INPP4B: variants seen among roughly 807,000 people sequenced by gnomAD.
INPP4B encodes inositol polyphosphate 4-phosphatase type II.
A neutral mutation model predicts 122.5 loss-of-function variants in INPP4B; 55 were observed. The observed-to-expected ratio is 0.45, with a 90% CI of 0.36 to 0.56. INPP4B has a LOEUF of 0.56. INPP4B is among the 20% of genes least tolerant of loss of function. INPP4B has a pLI of 0.00. For synonymous variants in INPP4B, 403 were observed against 388.7 expected (o/e 1.04, Z -0.43); for missense variants, 1,000 against 1,097.7 (o/e 0.91, Z 1.26).
chr4:142,712,930 C>A (rs761073518), intron 2 of INPP4B, among the ~76,000 whole-genome samples: 1 of 152,168 alleles, frequency 6.6e-6, no homozygotes, highest in African/African-American at 2.4e-5. Flanking sequence ...CATGTCCAGG[C>A]TCTCCATATA....
intron 1 of INPP4B, among the ~76,000 whole-genome samples, chr4:142,813,116 T>G (rs1346560523): frequency 6.6e-6 from 1 of 152,302 alleles, no homozygotes; most frequent in South Asian, 2.1e-4. Context: ...ATTCTAGTGC[T>G]ACATGAACTC....
intron 1 of INPP4B, among the ~76,000 whole-genome samples, chr4:142,778,545 A>G (rs1291151270): frequency 6.6e-6 from 1 of 152,096 alleles, no homozygotes; most frequent in Non-Finnish European, 1.5e-5. Flanking sequence ...TAATAAACCC[A>G]TCATTAGAGA....
At chr4:142,111,604 C>T (rs1034801887) in intron 22 of INPP4B, among the ~76,000 whole-genome samples, 1 of 151,948 alleles carries the variant, frequency 6.6e-6, no homozygotes, top group African/African-American at 2.4e-5. Flanking sequence ...GCCTCTGCCT[C>T]CCAAAGTGCT....
At chr4:142,052,860 C>T (rs113114224) in intron 25 of INPP4B, among the ~76,000 whole-genome samples, 1,962 of 152,108 alleles carry the variant, frequency 0.013, 44 homozygotes, top group African/African-American at 0.045. Context: ...TCTATATTTG[C>T]TTGTCGAATT....
chr4:142,717,265 T>A (rs1023241112), intron 2 of INPP4B, among the ~76,000 whole-genome samples: 2 of 152,256 alleles, frequency 1.3e-5, no homozygotes, highest in African/African-American at 2.4e-5. Flanking sequence ...CTTGATGGAA[T>A]TCATAGTGGC....
intron 17 of INPP4B, among the ~76,000 whole-genome samples, chr4:142,150,207 A>G (rs1037575958): frequency 1.3e-5 from 2 of 152,200 alleles, no homozygotes; most frequent in Admixed American, 6.5e-5. Context: ...CTCTACTAAA[A>G]TCACACAATT....
intron 3 of INPP4B, among the ~76,000 whole-genome samples, chr4:142,459,665 T>C (rs1816297746): frequency 6.6e-6 from 1 of 152,064 alleles, no homozygotes; most frequent in Non-Finnish European, 1.5e-5. Flanking sequence ...ATGAAAAAAA[T>C]CACAGAGAAG....
chr4:142,755,339 C>T (rs1259621913), intron 1 of INPP4B, among the ~76,000 whole-genome samples: 1 of 151,974 alleles, frequency 6.6e-6, no homozygotes, highest in Non-Finnish European at 1.5e-5. Context: ...ATTGCATTGA[C>T]TTCATATGAA....
At chr4:142,844,191 T>C (rs756614454) in intron 1 of INPP4B, among the ~76,000 whole-genome samples, 1 of 152,204 alleles carries the variant, frequency 6.6e-6, no homozygotes, top group Non-Finnish European at 1.5e-5. Flanking sequence ...GGGACAAGAC[T>C]AAATGGTCTA....
At chr4:142,285,183 C>G (rs1752965494) in intron 9 of INPP4B, among the ~76,000 whole-genome samples, 1 of 151,758 alleles carries the variant, frequency 6.6e-6, no homozygotes, top group Non-Finnish European at 1.5e-5. Context: ...ATGATGAGAT[C>G]TCGGAGATGA....
Position 142,572,749 on chromosome 4 carries a change from T to G in INPP4B, c.-190-110023A>C, listed in dbSNP as rs372451109. 5.9e-5 allele frequency among the ~76,000 whole-genome samples: 9 copies of G among 152,112 alleles called. No individual in the cohort carries two copies. In the South Asian group the frequency reaches 1.5e-3, roughly 25 times the overall value. On this transcript the variant is annotated intron_variant, in intron 2 of 25. Coordinates refer to ENST00000262992, the MANE Select transcript of INPP4B (RefSeq NM_001101669.3). Reference sequence around the variant, plus strand: ...TCAGTACCCCTCTTTAATTGTACAATGTGAGAAAAACAATAATTATCTTCC... The same window carrying G: ...TCAGTACCCCTCTTTAATTGTACAAGGTGAGAAAAACAATAATTATCTTCC...
chr4:142,109,247 T>A (rs1335265337), intron 22 of INPP4B, among the ~76,000 whole-genome samples: 1 of 152,118 alleles, frequency 6.6e-6, no homozygotes, highest in Non-Finnish European at 1.5e-5. Flanking sequence ...GCCCCTAGTC[T>A]CTTTCACTTC....
At chr4:142,337,644 T>C (rs1475733348) in intron 7 of INPP4B, among the ~76,000 whole-genome samples, 1 of 146,544 alleles carries the variant, frequency 6.8e-6, no homozygotes, top group Non-Finnish European at 1.5e-5. Flanking sequence ...GTTATTTATC[T>C]CATCTTAATT....
chr4:142,651,954 C>T (rs376322196), intron 2 of INPP4B, among the ~76,000 whole-genome samples: 22 of 152,080 alleles, frequency 1.4e-4, no homozygotes, highest in African/African-American at 2.7e-4. Context: ...TGATGAACAT[C>T]GATACAAAAA....
intron 1 of INPP4B, among the ~76,000 whole-genome samples, chr4:142,833,194 C>A (rs962123716): frequency 6.6e-6 from 1 of 151,612 alleles, no homozygotes; most frequent in African/African-American, 2.4e-5. Context: ...TGTTTAAAGA[C>A]AGTTAAGTTC....
intron 9 of INPP4B, among the ~76,000 whole-genome samples, chr4:142,293,615 C>G (rs570920852): frequency 1.3e-5 from 2 of 152,092 alleles, no homozygotes; most frequent in Non-Finnish European, 2.9e-5. Flanking sequence ...ATGAATTAAA[C>G]AGTATTCATT....
intron 7 of INPP4B, among the ~76,000 whole-genome samples, chr4:142,383,048 C>T (rs1397061429): frequency 6.6e-6 from 1 of 151,980 alleles, no homozygotes; most frequent in Non-Finnish European, 1.5e-5. Context: ...TGCCTCTTAG[C>T]AATGAGTTTT....
chr4:142,177,464 C>T (rs1359511400), intron 15 of INPP4B, among the ~76,000 whole-genome samples: 3 of 151,854 alleles, frequency 2.0e-5, no homozygotes, highest in African/African-American at 4.8e-5. Context: ...AAACTGGATC[C>T]AAACACTTGA....
intron 1 of INPP4B, among the ~76,000 whole-genome samples, chr4:142,791,636 A>G (rs942815047): frequency 4.6e-5 from 7 of 152,068 alleles, no homozygotes; most frequent in Middle Eastern, 3.2e-3. Context: ...GACTAGTTTA[A>G]TATCTTACCC....
Sources: allele counts gnomAD v4.1 joint callset (sites outside exome capture counted in the v4.1 genomes callset), GRCh38; gene constraint gnomAD v4.1.1; transcripts MANE v1.5; gene names NCBI Gene and HGNC (gene_info 2026-07-23, HGNC 2026-07-21).